The following TIAM2 variants were observed in gnomAD, a reference collection of about 807,000 sequenced individuals.
TIAM2 encodes the protein rho guanine nucleotide exchange factor TIAM2.
A neutral mutation model predicts 152.9 loss-of-function variants in TIAM2; 80 were observed. The ratio of observed to expected loss-of-function variants is 0.52; its 90% confidence interval spans 0.44 to 0.63. The LOEUF is 0.63. Among genes scored for constraint, TIAM2 ranks in the 30% least tolerant of loss-of-function variants. The pLI is 0.00. For missense variants in TIAM2, 1,965 were observed against 2,120.1 expected, an observed-to-expected ratio of 0.93 and a Z score of 1.44; for synonymous variants, 804 against 838.0, an observed-to-expected ratio of 0.96 and a Z score of 0.70.
At chr6:155,009,049 A>G (rs1479684292) in intron 1 of TIAM2, among the ~76,000 whole-genome samples, 2 of 149,264 alleles carry the variant, frequency 1.3e-5, no homozygotes, top group Non-Finnish European at 3.0e-5. Flanking sequence ...TTGCTAACGC[A>G]TAAATCTCTG....
Position 155,211,259 on chromosome 6 carries a change from C to T in TIAM2, c.3120C>T (p.Gly1040=). 1.2e-6 allele frequency: 2 copies of T among 1,613,586 alleles called. No homozygotes were observed. The highest frequency in any genetic ancestry group is 1.7e-6 in the Non-Finnish European group (2 of 1,179,580). Residue 1040 remains glycine (G), a synonymous_variant, in exon 15 of 27, where the codon GGC becomes GGT. Transcript: ENST00000682666. ...GTCTGAAAAGGAGTCAGACAGATGG[C>T]ACTCTGGATCAGGTTTCCCACAGGG... ...TTGLKRSQTD[G]TLDQVSHREK... is the part of the protein sequence containing the mutation.
chr6:155,028,890 CTG>C (rs1776714961), intron 1 of TIAM2, among the ~76,000 whole-genome samples: 1 of 109,230 alleles, frequency 9.2e-6, no homozygotes. Context: ...TATATATACA[CTG>C]TATATACTAT....
At chr6:155,162,412 G>A (rs764866192) in intron 7 of TIAM2, among the ~76,000 whole-genome samples, 2 of 152,138 alleles carry the variant, frequency 1.3e-5, no homozygotes, top group Non-Finnish European at 2.9e-5. Context: ...GAAGACAAAG[G>A]AATCCATCTA....
intron 1 of TIAM2, among the ~76,000 whole-genome samples, chr6:155,057,856 C>CTT (rs747097976): frequency 3.0e-4 from 46 of 152,160 alleles, no homozygotes; most frequent in Non-Finnish European, 5.1e-4. Flanking sequence ...CCATAATGTA[C>CTT]TCTTTGGAAG....
In TIAM2 at chr6:155,129,482, AGAGGTGTTGC is replaced by A. The variant is rs1388930911; in HGVS notation, c.260_269del (p.Arg87ThrfsTer84). ...CGGTGGCCCCACATGCAAGGTCTCCAGAGGTGTTGCCTACTCCACGCACAGGACAAATGCC... is the reference window on the plus strand; with the variant it reads ...CGGTGGCCCCACATGCAAGGTCTCCACTACTCCACGCACAGGACAAATGCC... On this transcript the variant is annotated frameshift_variant, in exon 4 of 27. Transcript: ENST00000682666. LOFTEE classifies it high-confidence loss of function. This position sits in a 1 kb window ranked among gnomAD's most constrained non-coding sequence, Gnocchi z 4.8. 1 of 1,614,180 alleles carries A rather than the reference AGAGGTGTTGC, an allele frequency of 6.2e-7. No homozygotes were observed. The highest frequency in any genetic ancestry group is 2.2e-5 in the East Asian group (1 of 44,874).
intron 1 of TIAM2, among the ~76,000 whole-genome samples, chr6:155,088,347 C>T (rs1314768638): frequency 1.3e-5 from 2 of 152,134 alleles, no homozygotes; most frequent in Non-Finnish European, 2.9e-5. Context: ...TCCCAAAGTG[C>T]TGGGATTACA....
At chr6:155,247,810 T>C (rs530879524) in intron 19 of TIAM2, among the ~76,000 whole-genome samples, 190 bp from the exon 20 acceptor site, 1 of 152,232 alleles carries the variant, frequency 6.6e-6, no homozygotes, top group Non-Finnish European at 1.5e-5. Flanking sequence ...TCCAGGGCTC[T>C]GTCAGGGCTG....
At position 155,183,467 on chromosome 6, in the gene TIAM2, T is replaced by A. The variant is rs1468426299; in HGVS notation, c.3031T>A (p.Phe1011Ile). The A allele has an allele frequency of 1.2e-6, 2 of 1,613,664 alleles. No homozygotes were observed. Among genetic ancestry groups the A allele is most frequent in the South Asian group, 2.2e-5 (2 of 91,008 alleles). ...PPNQSQLLEE[F>I]LDNFKKNTAN... is the part of the protein sequence containing the mutation. ...TAACCAGTCCCAACTGCTGGAGGAA[T>A]TCCTGGATAACTTTAAAAAGAATAC... is the stretch of plus-strand genomic sequence containing the variant. The change falls in exon 14 of 27, where the codon TTC (phenylalanine) becomes ATC (isoleucine). Residue 1011 changes from phenylalanine (F) to isoleucine (I), a missense_variant. Transcript: ENST00000682666.
chr6:154,997,180 G>T (rs1045069893), intron 1 of TIAM2, among the ~76,000 whole-genome samples: 1 of 152,136 alleles, frequency 6.6e-6, no homozygotes, highest in Admixed American at 6.5e-5. Context: ...TGCTTACACT[G>T]TTCTTACTCC....
At chr6:155,121,737 G>A (rs1453824369) in intron 2 of TIAM2, among the ~76,000 whole-genome samples, 2 of 152,152 alleles carry the variant, frequency 1.3e-5, no homozygotes, top group African/African-American at 4.8e-5. Flanking sequence ...TCTCTGGAGC[G>A]ACGTGAAGCC....
intron 2 of TIAM2, among the ~76,000 whole-genome samples, chr6:155,101,662 T>G (rs548428954): frequency 6.6e-6 from 1 of 152,330 alleles, no homozygotes; most frequent in South Asian, 2.1e-4. Flanking sequence ...CTTCTTTGAA[T>G]TCTAAGCAGA....
At chr6:155,194,452 C>T (rs1357685854) in intron 14 of TIAM2, among the ~76,000 whole-genome samples, 1 of 152,188 alleles carries the variant, frequency 6.6e-6, no homozygotes, top group Non-Finnish European at 1.5e-5. Flanking sequence ...TGCTGCTAGT[C>T]CTCTAAGAGA....
rs528835945 is a variant in TIAM2, at chr6:155,101,924, G to A, written c.-118+11545G>A. ...TCACCATGTTGGCTAGGATGGTCTT[G>A]ATCTCCTGACCTCATGATCTGCCTG... On this transcript the variant is annotated intron_variant, in intron 2 of 26. Coordinates refer to ENST00000682666, the MANE Select transcript of TIAM2 (RefSeq NM_012454.4). 3.2e-4 allele frequency among the ~76,000 whole-genome samples: 49 copies of A among 151,962 alleles called. No homozygotes were observed. The South Asian group carries it at 1.0e-2, about 31-fold the overall frequency.
chr6:155,132,035 T>A (rs1779461499), intron 4 of TIAM2, among the ~76,000 whole-genome samples: 1 of 151,864 alleles, frequency 6.6e-6, no homozygotes, highest in African/African-American at 2.4e-5. Context: ...AAAGTTTTAC[T>A]GGGGGAGCAA....
intron 12 of TIAM2, among the ~76,000 whole-genome samples, chr6:155,181,208 C>T (rs76196442): frequency 0.11 from 17,400 of 152,132 alleles, 1,189 homozygotes; most frequent in Middle Eastern, 0.17. Context: ...AACCTGTGCT[C>T]CTCACTGTGG....
Position 155,220,495 on chromosome 6 carries a change from A to C in TIAM2, c.3168+9188A>C, listed in dbSNP as rs1782006115. 2.0e-5 allele frequency among the ~76,000 whole-genome samples: 3 copies of C among 152,252 alleles called. No homozygotes were observed. In the South Asian group the frequency reaches 6.2e-4, roughly 32 times the overall value. On this transcript the variant is annotated intron_variant, in intron 15 of 26. Coordinates refer to ENST00000682666, the MANE Select transcript of TIAM2 (RefSeq NM_012454.4). ...GCCCCACCAGTGCTTGTGTCTCCTG[A>C]TCCTGATCTGGAAAGTAAGGATGAT...
intron 15 of TIAM2, among the ~76,000 whole-genome samples, chr6:155,225,374 G>A (rs1417077064): frequency 6.6e-6 from 1 of 152,206 alleles, no homozygotes; most frequent in Non-Finnish European, 1.5e-5. Context: ...TCTCATTTGA[G>A]CACCGAGGTC....
chr6:155,155,410 C>A (rs968772777), intron 7 of TIAM2, among the ~76,000 whole-genome samples: 2 of 152,184 alleles, frequency 1.3e-5, no homozygotes, highest in African/African-American at 4.8e-5. Context: ...AACTGATCCG[C>A]CTGCCTCAGC....
rs147559685 is a variant in TIAM2 at position 155,248,178 on chromosome 6, G to C, written c.3831G>C (p.Thr1277=). 18 of 1,612,656 alleles carry C rather than the reference G, an allele frequency of 1.1e-5. No homozygotes were observed. Among genetic ancestry groups the C allele is most frequent in the Non-Finnish European group, 1.5e-5 (18 of 1,179,750 alleles). ...DQESEEHYHL[T]EALKAMEKVA... ...AGAGCGAGGAGCACTACCACCTGAC[G>C]GGTGAGGCGGCGGCGGCACCTCCGG... The change falls in exon 20 of 27, where the codon ACG becomes ACC. Residue 1277 remains threonine (T), a splice_region_variant and synonymous_variant. Coordinates refer to ENST00000682666, the MANE Select transcript of TIAM2 (RefSeq NM_012454.4).
Sources: allele counts gnomAD v4.1 joint callset (sites outside exome capture counted in the v4.1 genomes callset), GRCh38; gene constraint gnomAD v4.1.1; non-coding constraint Gnocchi (gnomAD v3.1); transcripts MANE v1.5; gene names NCBI Gene and HGNC (gene_info 2026-07-23, HGNC 2026-07-21).